Variants in AASS observed in about 807,000 individuals in gnomAD.
AASS encodes the protein aminoadipate-semialdehyde synthase.
In AASS, 86 loss-of-function variants were observed where a neutral mutation model predicts 105.4. The observed-to-expected ratio is 0.82, with a 90% CI of 0.69 to 0.98. The LOEUF (loss-of-function observed/expected upper bound fraction) is 0.98, where lower values mean the gene tolerates loss of function less well. AASS is among the 50% of genes least tolerant of loss of function. The pLI, the probability that AASS is intolerant of heterozygous loss-of-function variation, is 0.00. For synonymous variants in AASS, 381 were observed against 394.8 expected, an observed-to-expected ratio of 0.96 and a Z score of 0.41; for missense variants, 1,048 against 1,143.2, an observed-to-expected ratio of 0.92 and a Z score of 1.20.
At chr7:122,102,113 A>G (rs753639553) in intron 11 of AASS, among the ~76,000 whole-genome samples, 205 of 151,936 alleles carry the variant, frequency 1.3e-3, no homozygotes, top group Non-Finnish European at 2.3e-3. Flanking sequence ...AAGGCCACCA[A>G]CCCTGCAGTA....
intron 18 of AASS, among the ~76,000 whole-genome samples, chr7:122,088,789 T>A (rs549151444): frequency 6.6e-6 from 1 of 152,172 alleles, no homozygotes; most frequent in South Asian, 2.1e-4. Context: ...TGGGAAACAC[T>A]GCAGAAGATG....
intron 1 of AASS, among the ~76,000 whole-genome samples, chr7:122,141,342 G>T (rs1204097628): frequency 3.3e-5 from 5 of 152,024 alleles, no homozygotes; most frequent in African/African-American, 4.8e-5. Context: ...ATTTCTCCTG[G>T]TCTCTAGCTT....
At chr7:122,143,335 C>A (rs1001707427) in intron 1 of AASS, among the ~76,000 whole-genome samples, 1 of 151,808 alleles carries the variant, frequency 6.6e-6, no homozygotes, top group Non-Finnish European at 1.5e-5. Flanking sequence ...CTCTTTCTCT[C>A]TCTCTCTTCC....
chr7:122,108,625 C>T (rs953778365), intron 11 of AASS, among the ~76,000 whole-genome samples: 2 of 152,004 alleles, frequency 1.3e-5, no homozygotes, highest in Admixed American at 6.6e-5. Flanking sequence ...TTCAACATCA[C>T]CTTATGATAA....
chr7:122,086,119 G>A lies in AASS; in HGVS notation c.2077C>T (p.Pro693Ser). 5.6e-6 allele frequency: 9 copies of A among 1,613,258 alleles called. No individual in the cohort carries two copies. Among genetic ancestry groups the A allele is most frequent in the Non-Finnish European group, 7.6e-6 (9 of 1,179,738 alleles). ...GGATAGCCTTCCAAATTTAATCCTG[G>A]AAAAAAATCCATGGACGTAACGGCA... ...LDAVTSMDFF[P>S]GLNLEGYPNR... The change falls in exon 19 of 24, where the codon CCA (proline) becomes TCA (serine). Residue 693 changes from proline to serine, a missense_variant. Pro to Ser is a moderately conservative substitution (Grantham distance 74). Transcript: ENST00000417368.
At chr7:122,138,876 A>T (rs1796267306) in intron 1 of AASS, among the ~76,000 whole-genome samples, 1 of 152,182 alleles carries the variant, frequency 6.6e-6, no homozygotes, top group African/African-American at 2.4e-5. Context: ...CTCCATACAC[A>T]TCCCATTTTC....
intron 11 of AASS, among the ~76,000 whole-genome samples, chr7:122,109,511 C>A (rs181700659): frequency 5.0e-4 from 76 of 152,000 alleles, no homozygotes; most frequent in African/African-American, 1.8e-3. Flanking sequence ...CTATATCCAC[C>A]AGTTTTGGAG....
At chr7:122,112,312 G>A (rs1406969580) in intron 11 of AASS, among the ~76,000 whole-genome samples, 3 of 152,154 alleles carry the variant, frequency 2.0e-5, no homozygotes, top group Non-Finnish European at 4.4e-5. Context: ...AGTGCCTGCT[G>A]CCTGCATTTT....
At chr7:122,122,170 C>T in intron 4 of AASS, among the ~76,000 whole-genome samples, 1 of 151,862 alleles carries the variant, frequency 6.6e-6, no homozygotes, top group Non-Finnish European at 1.5e-5. Context: ...CTATTTTTGG[C>T]TTGGGGTTTA....
intron 11 of AASS, among the ~76,000 whole-genome samples, chr7:122,109,004 T>C (rs957820762): frequency 2.0e-5 from 3 of 152,098 alleles, no homozygotes; most frequent in Middle Eastern, 6.8e-3. Context: ...CATTTCTATA[T>C]GCCAACTGTG....
intron 1 of AASS, among the ~76,000 whole-genome samples, chr7:122,139,245 T>TA (rs1796280305): frequency 6.6e-6 from 1 of 152,146 alleles, no homozygotes; most frequent in African/African-American, 2.4e-5. Flanking sequence ...TCTCTTTAAT[T>TA]AAAAAAATAT....
chr7:122,098,780 T>C lies in AASS; in HGVS notation c.1493A>G (p.Tyr498Cys). 1 of 1,603,420 alleles carries C rather than the reference T, an allele frequency of 6.2e-7. No individual in the cohort carries two copies. The highest frequency in any genetic ancestry group is 1.4e-5 in the African/African-American group (1 of 73,346). ...SGYISEPVLE[Y>C]LSRDGNIEIT... is the part of the protein sequence containing the mutation. ...TTCTATATTGCCATCTCTTGATAAATATTCTAATACAGGCTCAGATATGTA... is the reference window on the plus strand; with the variant it reads ...TTCTATATTGCCATCTCTTGATAAACATTCTAATACAGGCTCAGATATGTA... The change falls in exon 14 of 24, where the codon TAT (tyrosine) becomes TGT (cysteine). Residue 498 changes from tyrosine (Y) to cysteine (C), a missense_variant. Physicochemically the swap from Tyr to Cys is radical, Grantham distance 194. Coordinates refer to ENST00000417368, the MANE Select transcript of AASS (RefSeq NM_005763.4).
In AASS at chr7:122,076,430, T is replaced by C; in HGVS notation, c.*59A>G. On this transcript the variant is annotated 3_prime_UTR_variant, in exon 24 of 24. Coordinates refer to ENST00000417368, the MANE Select transcript of AASS (RefSeq NM_005763.4). The stretch of plus-strand genomic sequence containing the variant: ...AACAGCACATTAGCAAACCCATTTA[T>C]CACACACATGTTCAGAGGTGTATTG... The C allele has an allele frequency of 3.5e-6, 4 of 1,127,058 alleles. No homozygotes were observed. The highest frequency in any genetic ancestry group is 5.4e-6 in the Non-Finnish European group (4 of 736,212). 69.8% of individuals were successfully genotyped at this position (1,127,058 alleles called of 1,614,324 possible). A position where few individuals can be genotyped will look rare whatever the true frequency, so the allele number is the denominator to read the frequency against.
intron 9 of AASS, among the ~76,000 whole-genome samples, chr7:122,114,650 G>C (rs1011800637): frequency 6.6e-6 from 1 of 152,138 alleles, no homozygotes; most frequent in Non-Finnish European, 1.5e-5. Context: ...ACAGACTAGA[G>C]ATAGAGATGA....
intron 6 of AASS, among the ~76,000 whole-genome samples, chr7:122,117,621 C>CTTAT (rs997545561): frequency 2.6e-5 from 4 of 151,586 alleles, no homozygotes; most frequent in East Asian, 1.9e-4. Context: ...AATGAATTAT[C>CTTAT]TTATTTATTT....
chr7:122,106,506 T>C lies in AASS; in HGVS notation c.1279-4826A>G, dbSNP rs543338036. Reference sequence around the variant, plus strand: ...TATCATGCTACCTGACTTCAAACTATATTACAGGGCTACAGTAACCAAAAC... The same window carrying C: ...TATCATGCTACCTGACTTCAAACTACATTACAGGGCTACAGTAACCAAAAC... On this transcript the variant is annotated intron_variant, in intron 11 of 23. Transcript: ENST00000417368. Among the ~76,000 whole-genome samples, 128 of 151,826 alleles carry C rather than the reference T, an allele frequency of 8.4e-4. 1 individual carries two copies. Among genetic ancestry groups the C allele is most frequent in the Non-Finnish European group, 1.5e-3 (102 of 67,912 alleles).
In AASS at chr7:122,074,252, G is replaced by A. The variant is rs1398569104; in HGVS notation, c.*2237C>T. ...AGTGATGTTGAGAACCTTTTCATGT[G>A]CTTATTGGCCTTTTGTGTATCTTCT... On this transcript the variant is annotated 3_prime_UTR_variant, in exon 24 of 24. Coordinates refer to ENST00000417368, the MANE Select transcript of AASS (RefSeq NM_005763.4). 6.6e-6 allele frequency among the ~76,000 whole-genome samples: 1 copy of A among 152,084 alleles called. No individual in the cohort carries two copies. Among genetic ancestry groups the A allele is most frequent in the African/African-American group, 2.4e-5 (1 of 41,416 alleles).
chr7:122,077,161 T>A (rs1405926275), intron 23 of AASS, among the ~76,000 whole-genome samples: 1 of 151,388 alleles, frequency 6.6e-6, no homozygotes, highest in African/African-American at 2.4e-5. Flanking sequence ...CTACTATACA[T>A]TTTTTTTTCA....
intron 3 of AASS, among the ~76,000 whole-genome samples, chr7:122,128,991 T>G (rs1795786096): frequency 6.6e-6 from 1 of 152,086 alleles, no homozygotes; most frequent in Non-Finnish European, 1.5e-5. Flanking sequence ...GGCAGGAGAA[T>G]CACCTGAACC....
Sources: allele counts gnomAD v4.1 joint callset (sites outside exome capture counted in the v4.1 genomes callset), GRCh38; gene constraint gnomAD v4.1.1; transcripts MANE v1.5; gene names NCBI Gene and HGNC (gene_info 2026-07-23, HGNC 2026-07-21).